The following R3HDM4 variants were observed in gnomAD, a reference collection of about 807,000 sequenced individuals.
R3HDM4 encodes R3H domain-containing protein 4.
A neutral mutation model predicts 31.3 loss-of-function variants in R3HDM4; 30 were observed. The ratio of observed to expected loss-of-function variants is 0.96; its 90% CI spans 0.72 to 1.30. R3HDM4 has a LOEUF of 1.30. Among genes scored for constraint, R3HDM4 ranks in the 50% most tolerant of loss-of-function variants. R3HDM4 has a pLI of 0.00. For missense variants in R3HDM4, 444 were observed against 366.1 expected (o/e 1.21, Z -1.74); for synonymous variants, 196 against 156.6 (o/e 1.25, Z -1.88).
chr19:897,381 T>C lies in R3HDM4; in HGVS notation c.*56A>G. The C allele has an allele frequency of 7.8e-7, 1 of 1,277,396 alleles. No homozygotes were observed. Among genetic ancestry groups the C allele is most frequent in the Non-Finnish European group, 1.1e-6 (1 of 915,924 alleles). 79.1% of individuals were successfully genotyped at this position (1,277,396 alleles called of 1,614,324 possible). On this transcript the variant is annotated 3_prime_UTR_variant, in exon 8 of 8. Transcript: ENST00000361574. Reference sequence around the variant, plus strand: ...ATATGAAAGATATTTTAGCCGAAGGTATCGGAGGGCTTGATGGCTGGGCGA... The same window carrying C: ...ATATGAAAGATATTTTAGCCGAAGGCATCGGAGGGCTTGATGGCTGGGCGA...
Position 901,982 on chromosome 19 carries a change from C to A in R3HDM4, c.220G>T (p.Glu74Ter). ...CCTCCCGACCCCTGCTCACTGTTCTCCAGGCGCTGGAGGCTCTTCCGCCCC... is the reference window on the plus strand; with the variant it reads ...CCTCCCGACCCCTGCTCACTGTTCTACAGGCGCTGGAGGCTCTTCCGCCCC... ...AKGRKSLQRL[E>*]NTQYLLTLLE... The change falls in exon 2 of 8, where the codon GAG becomes TAG. Residue 74 changes from glutamate to a stop codon, truncating the protein, a stop_gained. Coordinates refer to ENST00000361574, the MANE Select transcript of R3HDM4 (RefSeq NM_138774.4). LOFTEE classifies it high-confidence loss of function. The A allele has an allele frequency of 6.2e-7, 1 of 1,613,696 alleles. No homozygotes were observed. Among genetic ancestry groups the A allele is most frequent in the Non-Finnish European group, 8.5e-7 (1 of 1,180,010 alleles).
Position 907,425 on chromosome 19 carries a change from G to T in R3HDM4, c.72-5295C>A, listed in dbSNP as rs552106395. Among the ~76,000 whole-genome samples, 38 of 152,130 alleles carry T rather than the reference G, an allele frequency of 2.5e-4. No individual in the cohort carries two copies. Among genetic ancestry groups the T allele is most frequent in the Non-Finnish European group, 4.6e-4 (31 of 67,968 alleles). ...AGGGCCGATAACAGAAGTGACATCCGAGGGGAGCCCTCGGGGAAGTCAGAG... is the reference window on the plus strand; with the variant it reads ...AGGGCCGATAACAGAAGTGACATCCTAGGGGAGCCCTCGGGGAAGTCAGAG... On this transcript the variant is annotated intron_variant, in intron 1 of 7. Coordinates refer to ENST00000361574, the MANE Select transcript of R3HDM4 (RefSeq NM_138774.4). The surrounding 1 kb of genome is among the most constrained non-coding windows in gnomAD (Gnocchi z 4.1).
chr19:905,031 A>AC (rs2036884708), intron 1 of R3HDM4, among the ~76,000 whole-genome samples: 1 of 151,962 alleles, frequency 6.6e-6, no homozygotes, highest in South Asian at 2.1e-4. Context: ...ACATGGTGAA[A>AC]CCCCGTCTCT....
chr19:911,109 A>C (rs1318795412), intron 1 of R3HDM4, among the ~76,000 whole-genome samples: 2 of 151,210 alleles, frequency 1.3e-5, no homozygotes, highest in Admixed American at 1.3e-4. Context: ...CGACAGAGTG[A>C]GACTCTGTCT....
intron 1 of R3HDM4, among the ~76,000 whole-genome samples, chr19:906,471 G>C (rs893739614): frequency 2.0e-5 from 3 of 152,096 alleles, no homozygotes; most frequent in African/African-American, 7.2e-5. Context: ...GCTCACCTTG[G>C]CCTCCCAAAG....
At chr19:900,178 G>A in intron 4 of R3HDM4, 32 bp from the exon 5 acceptor site, 1 of 1,515,730 alleles carries the variant, frequency 6.6e-7, no homozygotes, top group Non-Finnish European at 8.9e-7. Context: ...GGGCAGTCTT[G>A]GGGTGCTCGT....
chr19:898,082 A>G (rs973938930), intron 7 of R3HDM4, among the ~76,000 whole-genome samples: 5 of 152,062 alleles, frequency 3.3e-5, no homozygotes, highest in Non-Finnish European at 7.4e-5. Flanking sequence ...AGCCTGACCA[A>G]CATGGTGAAA....
intron 1 of R3HDM4, among the ~76,000 whole-genome samples, chr19:911,006 A>C (rs1398134704): frequency 6.6e-6 from 1 of 152,106 alleles, no homozygotes; most frequent in Non-Finnish European, 1.5e-5. Flanking sequence ...CTGTAGTCCC[A>C]GCTACTCGGG....
At chr19:904,752 G>A (rs1282577597) in intron 1 of R3HDM4, among the ~76,000 whole-genome samples, 1 of 151,952 alleles carries the variant, frequency 6.6e-6, no homozygotes, top group Non-Finnish European at 1.5e-5. Flanking sequence ...CTCCAGCCTG[G>A]GTGACAGACC....
intron 1 of R3HDM4, among the ~76,000 whole-genome samples, chr19:909,659 G>A (rs976185536): frequency 1.3e-5 from 2 of 152,004 alleles, no homozygotes; most frequent in Non-Finnish European, 2.9e-5. Context: ...AGCCAGGCGT[G>A]GTGGCACATG....
At position 899,992 on chromosome 19, in the gene R3HDM4, G is replaced by C; in HGVS notation, c.561+69C>G. ...CGACCTGCACCGGGTGAGAACCTGT[G>C]CCTGGGAAACGGGCCTTCAAAAAAG... On this transcript the variant is annotated intron_variant, in intron 5 of 7. Coordinates refer to ENST00000361574, the MANE Select transcript of R3HDM4 (RefSeq NM_138774.4). This position sits in a 1 kb window ranked among gnomAD's most constrained non-coding sequence, Gnocchi z 6.8. The C allele has an allele frequency of 6.8e-7, 1 of 1,469,068 alleles. No individual in the cohort carries two copies. The highest frequency in any genetic ancestry group is 9.5e-7 in the Non-Finnish European group (1 of 1,051,042). 91.0% of individuals were successfully genotyped at this position (1,469,068 alleles called of 1,614,324 possible).
intron 2 of R3HDM4, 118 bp downstream of exon 2, chr19:901,858 T>C (rs1882074547): frequency 7.3e-6 from 9 of 1,240,172 alleles, no homozygotes; most frequent in Non-Finnish European, 1.0e-5. Flanking sequence ...TGACACCTCT[T>C]TGGGTCCCCA....
chr19:900,135 A>T lies in R3HDM4; in HGVS notation c.487T>A (p.Tyr163Asn), dbSNP rs761384140. ...GEDRRREDPA[Y>N]TPRECFQRIS... ...CGCTGGAAGCACTCGCGGGGTGTAT[A>T]GGCGGGGTCCTCTGCAGGAGTGGGG... is the stretch of plus-strand genomic sequence containing the variant. The change falls in exon 5 of 8, where the codon TAT becomes AAT. Residue 163 changes from tyrosine (Y) to asparagine (N), a missense_variant. Transcript: ENST00000361574. The T allele has an allele frequency of 3.1e-6, 5 of 1,588,114 alleles. No individual in the cohort carries two copies. The South Asian group carries it at 5.7e-5, about 18-fold the overall frequency.
At chr19:903,691 G>A (rs994924530) in intron 1 of R3HDM4, among the ~76,000 whole-genome samples, 2 of 152,216 alleles carry the variant, frequency 1.3e-5, no homozygotes, top group Admixed American at 6.5e-5. Context: ...GGGAGTTTGA[G>A]GCTGCGGTGA....
chr19:897,318 C>A lies in R3HDM4; in HGVS notation c.*119G>T. The A allele has an allele frequency of 2.6e-6, 2 of 755,742 alleles. No individual in the cohort carries two copies. Among genetic ancestry groups the A allele is most frequent in the Non-Finnish European group, 4.2e-6 (2 of 473,224 alleles). The allele number at this position is 755,742 out of a possible 1,614,324, so 46.8% of individuals were successfully genotyped here. A position where few individuals can be genotyped will look rare whatever the true frequency, so the allele number is the denominator to read the frequency against. On this transcript the variant is annotated 3_prime_UTR_variant, in exon 8 of 8. Transcript: ENST00000361574. ...GGAGGGGGCAGAGTGAGAGAGACCA[C>A]CCCAAGCGAAAAAGGTTTCCGAGGA...
At chr19:910,267 G>C (rs1330380272) in intron 1 of R3HDM4, among the ~76,000 whole-genome samples, 1 of 152,038 alleles carries the variant, frequency 6.6e-6, no homozygotes, top group Non-Finnish European at 1.5e-5. Flanking sequence ...AGAGGTTGCA[G>C]TGAGCCGAGA....
Position 900,870 on chromosome 19 carries a change from G to A in R3HDM4, c.434C>T (p.Ala145Val), listed in dbSNP as rs370750353. The change falls in exon 4 of 8, where the codon GCG becomes GTG. Residue 145 changes from alanine (A) to valine (V), a missense_variant. Coordinates refer to ENST00000361574, the MANE Select transcript of R3HDM4 (RefSeq NM_138774.4). The part of the protein sequence containing the change: ...RYLEDEGRSK[A>V]RRRGPGRGED... ...CCCACGGCCAGGGCCCCTCCTCCGC[G>A]CCTTGCTCCTGCCCTCATCCTCCAG... is the stretch of plus-strand genomic sequence containing the variant. 13 of 1,549,258 alleles carry A rather than the reference G, an allele frequency of 8.4e-6. No individual in the cohort carries two copies. The highest frequency in any genetic ancestry group is 5.6e-5 in the African/African-American group (4 of 71,770).
rs200626330 is a variant in R3HDM4 at position 899,720 on chromosome 19, G to T, written c.562-34C>A. ...AGCGGCCCGGTGGTCAGGGAACTGC[G>T]GGACCTGTGGGTGGGGGGCCAGGGA... is the stretch of plus-strand genomic sequence containing the variant. On this transcript the variant is annotated intron_variant, in intron 5 of 7. Coordinates refer to ENST00000361574, the MANE Select transcript of R3HDM4 (RefSeq NM_138774.4). The surrounding 1 kb of genome is among the most constrained non-coding windows in gnomAD (Gnocchi z 6.8). 5.3e-6 allele frequency: 8 copies of T among 1,496,254 alleles called. No individual in the cohort carries two copies. In the African/African-American group the frequency reaches 7.0e-5, roughly 13 times the overall value. 92.7% of individuals were successfully genotyped at this position (1,496,254 alleles called of 1,614,324 possible).
At chr19:912,685 G>A (rs1429950186) in intron 1 of R3HDM4, among the ~76,000 whole-genome samples, 8 of 131,464 alleles carry the variant, frequency 6.1e-5, no homozygotes, top group African/African-American at 2.0e-4. Flanking sequence ...GGAGAGTGAG[G>A]GGGTGGACCC....
Sources: gnomAD v4.1 joint callset for allele counts (sites outside exome capture counted in the v4.1 genomes callset) on GRCh38, gnomAD v4.1.1 for gene constraint, Gnocchi (gnomAD v3.1) non-coding constraint, MANE v1.5 for transcripts, NCBI Gene and HGNC (gene_info 2026-07-23, HGNC 2026-07-21) for gene names.